NBAS: variants seen among roughly 807,000 people sequenced by gnomAD.
NBAS encodes NBAS subunit of NRZ tethering complex, also known as NAG/BC035112 fusion.
In NBAS, 219 loss-of-function variants were observed where a neutral mutation model predicts 302.5. That is an observed-to-expected ratio of 0.72 (90% CI 0.65 to 0.81). The LOEUF (loss-of-function observed/expected upper bound fraction) is 0.81, where lower values mean the gene tolerates loss of function less well. Among genes scored for constraint, NBAS ranks in the 30% least tolerant of loss-of-function variants. NBAS has a pLI of 0.00. For missense variants in NBAS, 2,932 were observed against 2,841.6 expected (o/e 1.03, Z -0.72); for synonymous variants, 1,118 against 1,021.6 (o/e 1.09, Z -1.80).
chr2:14,926,053 C>T, the NBAS span, among the ~76,000 whole-genome samples: 16,687 of 152,220 alleles, frequency 0.11, 1,005 homozygotes, highest in African/African-American at 0.15. Flanking sequence ...CGCTGCCTTC[C>T]TTCCAGTGCA....
At chr2:15,165,304 G>A (rs1273159421), downstream of NBAS, among the ~76,000 whole-genome samples, 13 of 152,178 alleles carry the variant, frequency 8.5e-5, no homozygotes, top group African/African-American at 2.2e-4. Context: ...TTTTTTGGCC[G>A]CGTGGGTCTG....
the NBAS span, among the ~76,000 whole-genome samples, chr2:14,983,148 C>A: frequency 4.6e-5 from 7 of 152,162 alleles, no homozygotes; most frequent in African/African-American, 1.4e-4. Flanking sequence ...AAGACAGAGA[C>A]AATACTACTA....
In NBAS at chr2:15,166,981, T is replaced by A; in HGVS notation, c.*67A>T. On this transcript the variant is annotated 3_prime_UTR_variant, in exon 52 of 52. Transcript: ENST00000281513. ...GGAGAACAATCGGCAGATACACATG[T>A]TGCTTCTGGGAACAGCATTCAACTC... 6.7e-7 allele frequency: 1 copy of A among 1,489,170 alleles called. No individual in the cohort carries two copies. Among genetic ancestry groups the A allele is most frequent in the Non-Finnish European group, 9.0e-7 (1 of 1,114,766 alleles). The allele number at this position is 1,489,170 out of a possible 1,614,324, so 92.2% of individuals were successfully genotyped here. A position where few individuals can be genotyped will look rare whatever the true frequency, so the allele number is the denominator to read the frequency against.
chr2:15,450,942 C>G (rs1678974962), intron 21 of NBAS, among the ~76,000 whole-genome samples: 1 of 152,116 alleles, frequency 6.6e-6, no homozygotes, highest in South Asian at 2.1e-4. Flanking sequence ...TGGAAGACAA[C>G]CTTCTGGAAT....
the NBAS span, among the ~76,000 whole-genome samples, chr2:14,895,507 G>T: frequency 1.3e-5 from 2 of 152,192 alleles, no homozygotes; most frequent in Non-Finnish European, 2.9e-5. Flanking sequence ...GGGAGGAAAA[G>T]GCGGGTGGAT....
intron 44 of NBAS, among the ~76,000 whole-genome samples, chr2:15,264,562 C>T (rs1241269687): frequency 2.0e-5 from 3 of 152,170 alleles, no homozygotes; most frequent in Non-Finnish European, 4.4e-5. Flanking sequence ...GCCAGTTAAT[C>T]ACAATCACCC....
At position 15,525,938 on chromosome 2, in the gene NBAS, T is replaced by A. The variant is rs76613054; in HGVS notation, c.746+8605A>T. Among the ~76,000 whole-genome samples the A allele has an allele frequency of 2.3e-3, 344 of 152,322 alleles. 5 individuals carry two copies. Among genetic ancestry groups the A allele is most frequent in the Admixed American group, 0.017 (258 of 15,298 alleles). ...AACTCATTAAGTGTTAATTTGGGAC[T>A]GTGTGATTCCCAGATAGGGTATAAA... On this transcript the variant is annotated intron_variant, in intron 9 of 51. Transcript: ENST00000281513.
At chr2:15,452,050 C>A (rs898739853) in intron 21 of NBAS, among the ~76,000 whole-genome samples, 21 of 150,988 alleles carry the variant, frequency 1.4e-4, no homozygotes, top group African/African-American at 5.1e-4. Flanking sequence ...CACTTACATG[C>A]CATACCTAGA....
At chr2:14,962,857 G>T in the NBAS span, among the ~76,000 whole-genome samples, 6 of 151,918 alleles carry the variant, frequency 3.9e-5, no homozygotes, top group East Asian at 1.2e-3. Context: ...AGTTGCTGTT[G>T]CAAAAGGGGA....
chr2:15,373,963 C>A (rs1010718118), intron 31 of NBAS, among the ~76,000 whole-genome samples: 1 of 152,148 alleles, frequency 6.6e-6, no homozygotes, highest in Non-Finnish European at 1.5e-5. Flanking sequence ...CAGGGAAGGT[C>A]AGGTTTAAGG....
the NBAS span, among the ~76,000 whole-genome samples, chr2:14,907,894 G>A: frequency 2.0e-5 from 3 of 152,314 alleles, no homozygotes; most frequent in East Asian, 5.8e-4. Flanking sequence ...TGAAACAGGA[G>A]GGGGAGACAA....
At chr2:15,056,036 T>C in the NBAS span, among the ~76,000 whole-genome samples, 1 of 151,064 alleles carries the variant, frequency 6.6e-6, no homozygotes, top group South Asian at 2.1e-4. Flanking sequence ...CTGAATATAA[T>C]AAACATTGAC....
chr2:14,948,082 T>C, the NBAS span, among the ~76,000 whole-genome samples: 1 of 152,100 alleles, frequency 6.6e-6, no homozygotes, highest in Admixed American at 6.5e-5. Context: ...TAGTGTTTGA[T>C]AGATCAATAG....
At chr2:15,015,149 C>CAA in the NBAS span, among the ~76,000 whole-genome samples, 6 of 127,234 alleles carry the variant, frequency 4.7e-5, no homozygotes, top group African/African-American at 8.5e-5. Context: ...AGAAGTTTCC[C>CAA]AAAAAAAAAA....
the NBAS span, among the ~76,000 whole-genome samples, chr2:14,849,308 T>C: frequency 6.6e-6 from 1 of 151,918 alleles, no homozygotes; most frequent in African/African-American, 2.4e-5. Context: ...GCCAATGCGA[T>C]CAACTGGAAG....
the NBAS span, among the ~76,000 whole-genome samples, chr2:15,115,149 C>T: frequency 2.0e-5 from 3 of 152,180 alleles, no homozygotes; most frequent in Admixed American, 6.5e-5. Flanking sequence ...AGAAACATAG[C>T]ACATATACAC....
the NBAS span, among the ~76,000 whole-genome samples, chr2:14,907,250 C>T: frequency 2.0e-5 from 3 of 152,306 alleles, no homozygotes; most frequent in Middle Eastern, 3.4e-3. Flanking sequence ...GTTCATCCTG[C>T]TCCACCACAG....
the NBAS span, among the ~76,000 whole-genome samples, chr2:14,978,689 T>C: frequency 6.6e-6 from 1 of 152,144 alleles, no homozygotes; most frequent in Non-Finnish European, 1.5e-5. Flanking sequence ...TTGGGCAAAT[T>C]TCCTGAAGTC....
At chr2:15,108,182 A>C in the NBAS span, among the ~76,000 whole-genome samples, 1 of 152,108 alleles carries the variant, frequency 6.6e-6, no homozygotes. Context: ...ATATGTTTTC[A>C]TTTCTCTAAG....
Sources: allele counts gnomAD v4.1 joint callset (sites outside exome capture counted in the v4.1 genomes callset), GRCh38; gene constraint gnomAD v4.1.1; transcripts MANE v1.5; gene names NCBI Gene and HGNC (gene_info 2026-07-23, HGNC 2026-07-21).